CAMK1D: variants seen among roughly 807,000 people sequenced by gnomAD.
CAMK1D encodes the protein calcium/calmodulin dependent protein kinase ID.
Under a neutral mutation model 47.7 loss-of-function variants are expected in CAMK1D, and 9 were observed. The ratio of observed to expected loss-of-function variants is 0.19; its 90% CI spans 0.11 to 0.33. The LOEUF is 0.33. CAMK1D is among the 10% of genes least tolerant of loss of function. The probability of loss-of-function intolerance (pLI) is 1.00; values close to 1 mark genes in which losing one functional copy is unlikely to be tolerated. For missense variants in CAMK1D, 291 were observed against 488.7 expected, an observed-to-expected ratio of 0.60 and a Z score of 3.81; for synonymous variants, 184 against 184.9, an observed-to-expected ratio of 0.99 and a Z score of 0.04.
At chr10:12,752,190 C>T (rs1212331382) in intron 3 of CAMK1D, among the ~76,000 whole-genome samples, 2 of 152,028 alleles carry the variant, frequency 1.3e-5, no homozygotes, top group Admixed American at 1.3e-4. Context: ...ACCATGTTGG[C>T]CAGTCTGGTC....
At chr10:12,514,670 G>GT (rs1281012713) in intron 1 of CAMK1D, among the ~76,000 whole-genome samples, 2 of 152,224 alleles carry the variant, frequency 1.3e-5, no homozygotes, top group Admixed American at 1.3e-4. Context: ...CCTGATGTAG[G>GT]TTTTACAGAG....
chr10:12,796,215 C>T (rs1838189310), intron 6 of CAMK1D, among the ~76,000 whole-genome samples: 1 of 152,162 alleles, frequency 6.6e-6, no homozygotes, highest in South Asian at 2.1e-4. Context: ...GAGATTCCCA[C>T]TCCCAAATTG....
At chr10:12,543,771 A>G (rs1836275577) in intron 1 of CAMK1D, among the ~76,000 whole-genome samples, 1 of 152,116 alleles carries the variant, frequency 6.6e-6, no homozygotes, top group South Asian at 2.1e-4. Flanking sequence ...TTGCCCTGCC[A>G]CTCACTGGTC....
chr10:12,411,633 C>T (rs1182293328), intron 1 of CAMK1D, among the ~76,000 whole-genome samples: 3 of 147,758 alleles, frequency 2.0e-5, no homozygotes, highest in African/African-American at 5.0e-5. Context: ...AGTTTTGCTC[C>T]TGTTGCCTAG....
At chr10:12,567,279 T>C (rs1466150136) in intron 2 of CAMK1D, among the ~76,000 whole-genome samples, 1 of 152,222 alleles carries the variant, frequency 6.6e-6, no homozygotes, top group African/African-American at 2.4e-5. Flanking sequence ...TTCTCTGTCC[T>C]GTTTGATCCT....
At chr10:12,541,067 A>G (rs927348871) in intron 1 of CAMK1D, among the ~76,000 whole-genome samples, 1 of 152,118 alleles carries the variant, frequency 6.6e-6, no homozygotes, top group Non-Finnish European at 1.5e-5. Flanking sequence ...TCTAAATTGG[A>G]TATCCATTTT....
chr10:12,730,361 C>T (rs772016872), intron 3 of CAMK1D, among the ~76,000 whole-genome samples: 1 of 152,084 alleles, frequency 6.6e-6, no homozygotes, highest in Non-Finnish European at 1.5e-5. Context: ...GATGGGGAAG[C>T]ACGGGGTCAG....
At chr10:12,468,151 G>A (rs1425429984) in intron 1 of CAMK1D, among the ~76,000 whole-genome samples, 4 of 152,188 alleles carry the variant, frequency 2.6e-5, no homozygotes, top group Non-Finnish European at 5.9e-5. Flanking sequence ...GACCTCCTGG[G>A]CTCAAGTGAT....
intron 1 of CAMK1D, among the ~76,000 whole-genome samples, chr10:12,502,946 G>T (rs11816627): frequency 6.6e-6 from 1 of 152,184 alleles, no homozygotes. Flanking sequence ...GCGTCTCCAC[G>T]TTCTCCCCAT....
At chr10:12,580,420 G>A (rs908325546) in intron 2 of CAMK1D, among the ~76,000 whole-genome samples, 3 of 146,792 alleles carry the variant, frequency 2.0e-5, no homozygotes, top group African/African-American at 7.7e-5. Flanking sequence ...CCGGGTGACA[G>A]TATTTGGTGT....
Position 12,584,681 on chromosome 10 carries a change from G to A in CAMK1D, c.224+31325G>A, listed in dbSNP as rs140282578. On this transcript the variant is annotated intron_variant, in intron 2 of 10. Transcript: ENST00000619168. ...CAAAAAATACAGAAATTAGCCGGGCGTGGTGGCGTGCATTTGTGGTCCCAA... is the reference window on the plus strand; with the variant it reads ...CAAAAAATACAGAAATTAGCCGGGCATGGTGGCGTGCATTTGTGGTCCCAA... 2.2e-3 allele frequency among the ~76,000 whole-genome samples: 333 copies of A among 152,256 alleles called. 5 individuals carry two copies. The highest frequency in any genetic ancestry group is 2.5e-3 in the Non-Finnish European group (167 of 68,024).
intron 2 of CAMK1D, among the ~76,000 whole-genome samples, chr10:12,593,611 A>G (rs1324676376): frequency 6.6e-6 from 1 of 152,216 alleles, no homozygotes; most frequent in African/African-American, 2.4e-5. Context: ...CAAACAAACA[A>G]AAATCAGAAT....
At chr10:12,417,577 C>T (rs1030696523) in intron 1 of CAMK1D, among the ~76,000 whole-genome samples, 12 of 152,046 alleles carry the variant, frequency 7.9e-5, no homozygotes, top group Non-Finnish European at 1.6e-4. Flanking sequence ...GGGCTGTTGG[C>T]CTGGGAACTG....
chr10:12,755,986 T>C (rs1461919711), intron 3 of CAMK1D, among the ~76,000 whole-genome samples: 1 of 152,218 alleles, frequency 6.6e-6, no homozygotes, highest in East Asian at 1.9e-4. Flanking sequence ...GGCCTTGTCG[T>C]AGGGCAGCCT....
chr10:12,411,048 C>A (rs1295086709), intron 1 of CAMK1D, among the ~76,000 whole-genome samples: 1 of 152,120 alleles, frequency 6.6e-6, no homozygotes, highest in Admixed American at 6.5e-5. Flanking sequence ...AATAGGTACT[C>A]AAAAATCCAT....
chr10:12,352,888 C>T (rs540544975), intron 1 of CAMK1D, among the ~76,000 whole-genome samples: 9 of 151,964 alleles, frequency 5.9e-5, no homozygotes, highest in African/African-American at 1.4e-4. Flanking sequence ...AGACGCCCGC[C>T]GCCATGCCTG....
intron 3 of CAMK1D, among the ~76,000 whole-genome samples, chr10:12,735,291 C>A (rs979644548): frequency 1.3e-5 from 2 of 152,076 alleles, no homozygotes; most frequent in African/African-American, 4.8e-5. Context: ...CCTGGGCTAT[C>A]ACGGTGAAAC....
intron 4 of CAMK1D, among the ~76,000 whole-genome samples, chr10:12,761,373 A>C (rs1289521415): frequency 3.3e-5 from 5 of 152,160 alleles, no homozygotes; most frequent in Admixed American, 3.3e-4. Flanking sequence ...CTTCGAGCCT[A>C]TCTAAGAGAC....
At chr10:12,618,851 A>C (rs1838904552) in intron 2 of CAMK1D, among the ~76,000 whole-genome samples, 1 of 152,226 alleles carries the variant, frequency 6.6e-6, no homozygotes, top group Non-Finnish European at 1.5e-5. Context: ...ATATCTTCTT[A>C]ATACGCATAA....
Sources: allele counts gnomAD v4.1 joint callset (sites outside exome capture counted in the v4.1 genomes callset), GRCh38; gene constraint gnomAD v4.1.1; transcripts MANE v1.5; gene names NCBI Gene and HGNC (gene_info 2026-07-23, HGNC 2026-07-21).